ZCCHC24: variants seen among roughly 807,000 people sequenced by gnomAD.
ZCCHC24 encodes zinc finger CCHC domain-containing protein 24.
Under a neutral mutation model 26.2 loss-of-function variants are expected in ZCCHC24, and 10 were observed. The observed-to-expected ratio is 0.38, with a 90% confidence interval of 0.24 to 0.65. The LOEUF is 0.65. Among genes scored for constraint, ZCCHC24 ranks in the 30% least tolerant of loss-of-function variants. ZCCHC24 has a pLI of 0.54. For synonymous variants in ZCCHC24, 144 were observed against 147.1 expected, an observed-to-expected ratio of 0.98 and a Z score of 0.15; for missense variants, 243 against 329.1, an observed-to-expected ratio of 0.74 and a Z score of 2.03.
intron 2 of ZCCHC24, among the ~76,000 whole-genome samples, chr10:79,428,765 A>C (rs1055971360): frequency 1.3e-5 from 2 of 152,216 alleles, no homozygotes; most frequent in African/African-American, 4.8e-5. Flanking sequence ...AGAGGACTCA[A>C]ATTGCAAGAA....
intron 2 of ZCCHC24, among the ~76,000 whole-genome samples, chr10:79,429,859 C>T (rs1292988555): frequency 6.6e-6 from 1 of 152,190 alleles, no homozygotes; most frequent in African/African-American, 2.4e-5. Flanking sequence ...AAAGCCCTGT[C>T]AACCCGTTCC....
In ZCCHC24 at chr10:79,420,904, C is replaced by T. The variant is rs189191878; in HGVS notation, c.447+11654G>A. ...ATAACTCGGTTAAGCTCACAACATC[C>T]CATGAAGTAGGATGTTTTAATATCT... On this transcript the variant is annotated intron_variant, in intron 2 of 3. Transcript: ENST00000372336. Among the ~76,000 whole-genome samples the T allele has an allele frequency of 7.2e-4, 110 of 152,288 alleles. 2 individuals are homozygous for T. Among genetic ancestry groups the T allele is most frequent in the African/African-American group, 2.6e-3 (106 of 41,546 alleles).
At chr10:79,404,018 G>T (rs1020125363) in intron 2 of ZCCHC24, among the ~76,000 whole-genome samples, 1 of 152,038 alleles carries the variant, frequency 6.6e-6, no homozygotes, top group South Asian at 2.1e-4. Flanking sequence ...GTGAGAGAGC[G>T]CCCGTCAGAG....
chr10:79,402,102 G>C (rs1856641405), intron 2 of ZCCHC24, among the ~76,000 whole-genome samples: 1 of 152,214 alleles, frequency 6.6e-6, no homozygotes, highest in African/African-American at 2.4e-5. Context: ...GTGTGGCCTT[G>C]CTGGCCCTTT....
In ZCCHC24 at chr10:79,385,421, G is replaced by A. The variant is rs11002952; in HGVS notation, c.*924C>T. 0.078 allele frequency: 11,882 copies of A among 152,306 alleles called. 903 individuals carry two copies. Among genetic ancestry groups the A allele is most frequent in the African/African-American group, 0.18 (7,446 of 41,532 alleles). The allele number at this position is 152,306 out of a possible 1,614,324, so 9.4% of individuals were successfully genotyped here. A position where few individuals can be genotyped will look rare whatever the true frequency, so the allele number is the denominator to read the frequency against. On this transcript the variant is annotated 3_prime_UTR_variant, in exon 4 of 4. Transcript: ENST00000372336. The surrounding 1 kb of genome is among the most constrained non-coding windows in gnomAD (Gnocchi z 4.3). ...GGAAACTGAGGCCTGGAGATGCGAA[G>A]TCCTTGCCCAAGGTGACACAATGCG...
chr10:79,401,567 G>T (rs575368237), intron 2 of ZCCHC24, among the ~76,000 whole-genome samples: 8 of 152,326 alleles, frequency 5.3e-5, no homozygotes, highest in Admixed American at 5.2e-4. Context: ...CCACCAAGCC[G>T]GGATGGTGAG....
intron 2 of ZCCHC24, among the ~76,000 whole-genome samples, chr10:79,425,549 GA>G (rs1370969609): frequency 6.6e-6 from 1 of 152,212 alleles, no homozygotes; most frequent in Admixed American, 6.5e-5. Context: ...GGATGATATT[GA>G]AAAAGCATGC....
chr10:79,400,895 A>G (rs1856620279), intron 2 of ZCCHC24, among the ~76,000 whole-genome samples: 1 of 152,188 alleles, frequency 6.6e-6, no homozygotes, highest in Non-Finnish European at 1.5e-5. Context: ...ATGTCCACAC[A>G]CTGTCACGTG....
rs1390302500 is a variant in ZCCHC24, at chr10:79,384,864, G to C, written c.*1481C>G. 1 of 151,772 alleles carries C rather than the reference G, an allele frequency of 6.6e-6. No homozygotes were observed. The highest frequency in any genetic ancestry group is 6.6e-5 in the Admixed American group (1 of 15,228). 9.4% of individuals were successfully genotyped at this position (151,772 alleles called of 1,614,324 possible). ...GCATAATGTAGGGGCAAAATCAAGA[G>C]ACCCAGTTCTGACAGCCGGGAGAAA... is the stretch of plus-strand genomic sequence containing the variant. On this transcript the variant is annotated 3_prime_UTR_variant, in exon 4 of 4. Coordinates refer to ENST00000372336, the MANE Select transcript of ZCCHC24 (RefSeq NM_153367.4).
At position 79,383,884 on chromosome 10, in the gene ZCCHC24, C is replaced by A. The variant is rs998904344; in HGVS notation, c.*2461G>T. The A allele has an allele frequency of 2.0e-5, 3 of 152,648 alleles. No homozygotes were observed. The highest frequency in any genetic ancestry group is 7.2e-5 in the African/African-American group (3 of 41,402). 9.5% of individuals were successfully genotyped at this position (152,648 alleles called of 1,614,324 possible). ...TGAATACTTCATATGGGGTAAACAC[C>A]ATTATCTCCCAACTAGATCGCTAGA... On this transcript the variant is annotated 3_prime_UTR_variant, in exon 4 of 4. Transcript: ENST00000372336.
chr10:79,424,428 C>G (rs1191663735), intron 2 of ZCCHC24, among the ~76,000 whole-genome samples: 2 of 152,204 alleles, frequency 1.3e-5, no homozygotes, highest in Non-Finnish European at 2.9e-5. Context: ...GATCTGGTAG[C>G]CCTCCTTGCT....
At chr10:79,394,760 G>T in intron 2 of ZCCHC24, 2 of 584,042 alleles carry the variant, frequency 3.4e-6, no homozygotes, top group Non-Finnish European at 4.3e-6. Context: ...ATCAAGGGCA[G>T]CTGGTCTCAT....
intron 3 of ZCCHC24, among the ~76,000 whole-genome samples, chr10:79,387,670 CAG>C (rs1328350222): frequency 6.6e-6 from 1 of 152,170 alleles, no homozygotes; most frequent in Non-Finnish European, 1.5e-5. Context: ...GCCCGGATGA[CAG>C]GGGAGGGCAG....
At chr10:79,444,355 C>T in intron 1 of ZCCHC24, 3 of 1,227,102 alleles carry the variant, frequency 2.4e-6, no homozygotes, top group Non-Finnish European at 3.1e-6. Context: ...GTGTATTTAT[C>T]TTGCTGGCAA....
chr10:79,424,412 C>T (rs959750298), intron 2 of ZCCHC24, among the ~76,000 whole-genome samples: 4 of 152,228 alleles, frequency 2.6e-5, no homozygotes, highest in Non-Finnish European at 5.9e-5. Flanking sequence ...AGGCAGCCAC[C>T]GTAAAGATCT....
intron 2 of ZCCHC24, among the ~76,000 whole-genome samples, chr10:79,408,598 G>A (rs145896898): frequency 2.0e-4 from 30 of 152,284 alleles, no homozygotes; most frequent in African/African-American, 6.0e-4. Flanking sequence ...AGCCAGGCGC[G>A]GAAGAAAAGT....
chr10:79,444,478 C>T (rs75134713), intron 1 of ZCCHC24, among the ~76,000 whole-genome samples: 3 of 151,950 alleles, frequency 2.0e-5, no homozygotes, highest in African/African-American at 7.3e-5. Context: ...CTCTCCCCCC[C>T]CCTTTCTAGC....
At chr10:79,443,763 AG>A (rs768015276) in intron 1 of ZCCHC24, among the ~76,000 whole-genome samples, 1 of 152,258 alleles carries the variant, frequency 6.6e-6, no homozygotes, top group Non-Finnish European at 1.5e-5. Flanking sequence ...TCCCCAGCCA[AG>A]AACCATTCCT....
rs5786399 is a variant in ZCCHC24, at chr10:79,389,529, A to AGTGTGTGTGT, written c.613-3081_613-3072dup. Among the ~76,000 whole-genome samples, 1,058 of 146,314 alleles carry AGTGTGTGTGT rather than the reference A, an allele frequency of 7.2e-3. 18 individuals are homozygous for AGTGTGTGTGT. The highest frequency in any genetic ancestry group is 0.024 in the African/African-American group (926 of 39,190). ...TAATAACATTCACTGACTTTTTCCT[A>AGTGTGTGTGT]GTGTGTGTGTGTGTGTGTGTGTGTG... On this transcript the variant is annotated intron_variant, in intron 3 of 3. Transcript: ENST00000372336.
Sources: gnomAD v4.1 joint callset for allele counts (sites outside exome capture counted in the v4.1 genomes callset) on GRCh38, gnomAD v4.1.1 for gene constraint, Gnocchi (gnomAD v3.1) non-coding constraint, MANE v1.5 for transcripts, NCBI Gene and HGNC (gene_info 2026-07-23, HGNC 2026-07-21) for gene names.